RAC2: variants seen among roughly 807,000 people sequenced by gnomAD.
The protein encoded by RAC2 is Rac family small GTPase 2.
In RAC2, 1 loss-of-function variant was observed where a neutral mutation model predicts 24.0. The ratio of observed to expected loss-of-function variants is 0.04; its 90% CI spans 0.01 to 0.20. The LOEUF (loss-of-function observed/expected upper bound fraction) is 0.20. RAC2 is among the 10% of genes least tolerant of loss of function. The probability of loss-of-function intolerance (pLI) is 1.00; values close to 1 mark genes in which losing one functional copy is unlikely to be tolerated. For synonymous variants in RAC2, 114 were observed against 106.8 expected (o/e 1.07, Z -0.41); for missense variants, 130 against 259.1 (o/e 0.50, Z 3.42).
intron 5 of RAC2, among the ~76,000 whole-genome samples, chr22:37,229,629 C>A (rs370375235): frequency 6.6e-6 from 1 of 152,146 alleles, no homozygotes; most frequent in South Asian, 2.1e-4. Context: ...CCCTGCCAGT[C>A]CCCCCAGGAC....
intron 2 of RAC2, among the ~76,000 whole-genome samples, chr22:37,235,748 T>C (rs948056971): frequency 3.3e-5 from 5 of 152,224 alleles, no homozygotes; most frequent in Admixed American, 6.5e-5. Context: ...TGGGAAATGC[T>C]TGGACACTCT....
chr22:37,228,408 A>T (rs1265456043), intron 5 of RAC2, among the ~76,000 whole-genome samples: 1 of 152,214 alleles, frequency 6.6e-6, no homozygotes, highest in African/African-American at 2.4e-5. Context: ...GTGACTTCCC[A>T]TGTCCATTTC....
chr22:37,244,119 T>C lies in RAC2; in HGVS notation c.30A>G (p.Gly10=). 6.2e-7 allele frequency: 1 copy of C among 1,614,116 alleles called. No individual in the cohort carries two copies. Among genetic ancestry groups the C allele is most frequent in the Non-Finnish European group, 8.5e-7 (1 of 1,179,998 alleles). MQAIKCVVV[G]DGAVGKTCLL... is the part of the protein sequence containing the mutation. ...AAGTCCAGCCAGGTACCTACCCATCTCCCACCACCACACACTTGATGGCCT... is the reference window on the plus strand; with the variant it reads ...AAGTCCAGCCAGGTACCTACCCATCCCCCACCACCACACACTTGATGGCCT... The change falls in exon 1 of 7, where the codon GGA becomes GGG. Residue 10 remains glycine (G), a synonymous_variant. Transcript: ENST00000249071.
intron 2 of RAC2, among the ~76,000 whole-genome samples, chr22:37,233,677 G>A (rs1182744160): frequency 6.6e-6 from 1 of 152,170 alleles, no homozygotes; most frequent in Non-Finnish European, 1.5e-5. Context: ...GGGTTTATTC[G>A]GGAAGTGACT....
Position 37,234,003 on chromosome 22 carries a change from C to T in RAC2, c.108-1085G>A, listed in dbSNP as rs1927151039. Among the ~76,000 whole-genome samples the T allele has an allele frequency of 2.0e-5, 3 of 152,200 alleles. No individual in the cohort carries two copies. The South Asian group carries it at 6.2e-4, about 31-fold the overall frequency. ...CAAACGGTAGAAAGACACATGCTGC[C>T]GAGGAGATGGTGTGAGGCACTGACC... On this transcript the variant is annotated intron_variant, in intron 2 of 6. Transcript: ENST00000249071.
At chr22:37,244,086 C>CTGTG (rs1201557512) in intron 1 of RAC2, 28 bp downstream of exon 1, 1 of 1,614,088 alleles carries the variant, frequency 6.2e-7, no homozygotes, top group African/African-American at 1.3e-5. Flanking sequence ...CAGTTGGGGG[C>CTGTG]TGTGAGGAAG....
At position 37,226,690 on chromosome 22, in the gene RAC2, C is replaced by T. The variant is rs758461304; in HGVS notation, c.562G>A (p.Ala188Thr). 39 of 1,612,766 alleles carry T rather than the reference C, an allele frequency of 2.4e-5. No individual in the cohort carries two copies. Among genetic ancestry groups the T allele is most frequent in the Admixed American group, 1.5e-4 (9 of 59,920 alleles). Reference sequence around the variant, plus strand: ...TCTTACCCCTAGAGGAGGCTGCAGGCGCGCTTCTGCTGCCGCGTGGGCTGA... The same window carrying T: ...TCTTACCCCTAGAGGAGGCTGCAGGTGCGCTTCTGCTGCCGCGTGGGCTGA... ...CPQPTRQQKR[A>T]CSLL is the part of the protein sequence containing the mutation. The change falls in exon 6 of 7, where the codon GCC becomes ACC. Residue 188 changes from alanine (A) to threonine (T), a missense_variant. By Grantham distance (58) the Ala-to-Thr change is moderately conservative (BLOSUM62 0). This residue lies in a region of RAC2 where 119 missense variants were observed against 192.1 expected (regional missense o/e 0.62). Transcript: ENST00000249071.
In RAC2 at chr22:37,231,448, G is replaced by C; in HGVS notation, c.289-58C>G. ...ATGGGTCAAGAGGGGGCGCGAGGCT[G>C]TGCGGGGATCAGAGGGAGTGTGAGG... is the stretch of plus-strand genomic sequence containing the variant. On this transcript the variant is annotated intron_variant, in intron 4 of 6. Coordinates refer to ENST00000249071, the MANE Select transcript of RAC2 (RefSeq NM_002872.5). This position sits in a 1 kb window ranked among gnomAD's most constrained non-coding sequence, Gnocchi z 5.5. The C allele has an allele frequency of 6.5e-7, 1 of 1,544,672 alleles. No individual in the cohort carries two copies. Among genetic ancestry groups the C allele is most frequent in the Non-Finnish European group, 8.9e-7 (1 of 1,121,664 alleles).
chr22:37,242,813 G>A (rs1460173073), intron 1 of RAC2, among the ~76,000 whole-genome samples: 5 of 152,212 alleles, frequency 3.3e-5, no homozygotes, highest in East Asian at 1.9e-4. Flanking sequence ...AGCCAAAGTC[G>A]GGGCCACAGG....
Position 37,231,235 on chromosome 22 carries a change from C to A in RAC2, c.444G>T (p.Glu148Asp). The A allele has an allele frequency of 1.2e-6, 2 of 1,613,384 alleles. No individual in the cohort carries two copies. The highest frequency in any genetic ancestry group is 1.8e-4 in the Middle Eastern group (1 of 5,446). ...TYPQGLALAK[E>D]IDSVKYLECS... Reference sequence around the variant, plus strand: ...CTCTGAGCCCGAGGCCCATACCAATCTCCTTGGCCAGTGCCAGGCCCTGCG... The same window carrying A: ...CTCTGAGCCCGAGGCCCATACCAATATCCTTGGCCAGTGCCAGGCCCTGCG... The change falls in exon 5 of 7, where the codon GAG becomes GAT. Residue 148 changes from glutamate (E) to aspartate (D), a missense_variant. By Grantham distance (45) the Glu-to-Asp change is conservative. Coordinates refer to ENST00000249071, the MANE Select transcript of RAC2 (RefSeq NM_002872.5). The surrounding 1 kb of genome is among the most constrained non-coding windows in gnomAD (Gnocchi z 5.5).
In RAC2 at chr22:37,241,592, G is replaced by T. The variant is rs1424159439; in HGVS notation, c.102C>A (p.Pro34=). The T allele has an allele frequency of 6.8e-6, 11 of 1,612,966 alleles. No homozygotes were observed. Among genetic ancestry groups the T allele is most frequent in the Non-Finnish European group, 8.5e-6 (10 of 1,178,914 alleles). ...TTNAFPGEYI[P]TVFDNYSANV... is the part of the protein sequence containing the mutation. Reference sequence around the variant, plus strand: ...ACATATCCCCAGGAACTCACACGGTGGGGATGTACTCTCCGGGAAAGGCGT... The same window carrying T: ...ACATATCCCCAGGAACTCACACGGTTGGGATGTACTCTCCGGGAAAGGCGT... The change falls in exon 2 of 7, where the codon CCC becomes CCA. Residue 34 remains proline (P), a synonymous_variant. Transcript: ENST00000249071.
chr22:37,232,357 A>C, intron 3 of RAC2: 1 of 436,562 alleles, frequency 2.3e-6, no homozygotes, highest in South Asian at 2.2e-5. Context: ...CCATACTCCA[A>C]TCCATATACT....
rs147161880 is a variant in RAC2 at position 37,226,800 on chromosome 22, G to C, written c.452C>G (p.Ser151Trp). 4 of 1,612,638 alleles carry C rather than the reference G, an allele frequency of 2.5e-6. No individual in the cohort carries two copies. The highest frequency in any genetic ancestry group is 3.4e-6 in the Non-Finnish European group (4 of 1,179,404). The change falls in exon 6 of 7, where the codon TCG (serine) becomes TGG (tryptophan). Residue 151 changes from serine (S) to tryptophan (W), a missense_variant. Ser to Trp is a radical substitution (Grantham distance 177). Transcript: ENST00000249071. ...AGCTGAGCACTCCAGGTATTTCACC[G>C]AGTCTGGTTGGGGAGATGGACAGGA... is the stretch of plus-strand genomic sequence containing the variant. ...QGLALAKEID[S>W]VKYLECSALT...
chr22:37,241,459 G>C, intron 2 of RAC2, 128 bp downstream of exon 2: 3 of 1,016,324 alleles, frequency 3.0e-6, no homozygotes, highest in Non-Finnish European at 1.6e-6. Context: ...CTGTCAGGCA[G>C]CTCCACTGGG....
At chr22:37,235,685 T>C (rs1289283689) in intron 2 of RAC2, among the ~76,000 whole-genome samples, 1 of 152,216 alleles carries the variant, frequency 6.6e-6, no homozygotes, top group African/African-American at 2.4e-5. Context: ...TGAGGCATGA[T>C]GGGAAAAGCC....
Position 37,231,313 on chromosome 22 carries a change from G to A in RAC2, c.366C>T (p.Asp122=). The A allele has an allele frequency of 6.2e-7, 1 of 1,614,182 alleles. No homozygotes were observed. Among genetic ancestry groups the A allele is most frequent in the East Asian group, 2.2e-5 (1 of 44,874 alleles). ...LVGTKLDLRD[D]KDTIEKLKEK... is the part of the protein sequence containing the mutation. ...CCTTCAGTTTCTCGATGGTGTCCTT[G>A]TCGTCCCGCAGGTCCAGCTTGGTGC... The change falls in exon 5 of 7, where the codon GAC becomes GAT. Residue 122 remains aspartate (D), a synonymous_variant. Coordinates refer to ENST00000249071, the MANE Select transcript of RAC2 (RefSeq NM_002872.5). This position sits in a 1 kb window ranked among gnomAD's most constrained non-coding sequence, Gnocchi z 5.5.
Position 37,232,782 on chromosome 22 carries a change from G to A in RAC2, c.225+19C>T. 6.3e-7 allele frequency: 1 copy of A among 1,590,766 alleles called. No individual in the cohort carries two copies. Among genetic ancestry groups the A allele is most frequent in the Non-Finnish European group, 8.6e-7 (1 of 1,159,404 alleles). ...AGACAGCAAAGGTCAGGACTGCAAG[G>A]CAGGTGGGAGCAGCACACCGTCTGT... is the stretch of plus-strand genomic sequence containing the variant. On this transcript the variant is annotated intron_variant, in intron 3 of 6. Coordinates refer to ENST00000249071, the MANE Select transcript of RAC2 (RefSeq NM_002872.5).
intron 2 of RAC2, among the ~76,000 whole-genome samples, chr22:37,238,583 G>T (rs1277352545): frequency 6.6e-6 from 1 of 152,186 alleles, no homozygotes; most frequent in Non-Finnish European, 1.5e-5. Context: ...CGTCGAGCTT[G>T]GTTCTAACGA....
At chr22:37,243,932 G>A (rs996047715) in intron 1 of RAC2, among the ~76,000 whole-genome samples, 182 bp downstream of exon 1, 1 of 152,032 alleles carries the variant, frequency 6.6e-6, no homozygotes, top group Admixed American at 6.6e-5. Flanking sequence ...AGAGGGTGAA[G>A]CTCCCCTCAG....
Sources: allele counts gnomAD v4.1 joint callset (sites outside exome capture counted in the v4.1 genomes callset), GRCh38; gene constraint gnomAD v4.1.1; regional missense constraint gnomAD v4.1.1; non-coding constraint Gnocchi (gnomAD v3.1); transcripts MANE v1.5; gene names NCBI Gene and HGNC (gene_info 2026-07-23, HGNC 2026-07-21).